Variants in KIF26A observed in about 807,000 individuals in gnomAD.
KIF26A encodes kinesin family member 26A.
Under a neutral mutation model 126.0 loss-of-function variants are expected in KIF26A, and 74 were observed. The ratio of observed to expected loss-of-function variants is 0.59; its 90% CI spans 0.49 to 0.71. KIF26A has a LOEUF of 0.71. KIF26A is among the 30% of genes least tolerant of loss of function. The pLI is 0.00. For missense variants in KIF26A, 2,984 were observed against 2,763.3 expected (o/e 1.08, Z -1.79); for synonymous variants, 1,445 against 1,232.7 (o/e 1.17, Z -3.61).
chr14:104,175,282 G>A lies in KIF26A; in HGVS notation c.2494G>A (p.Asp832Asn), dbSNP rs533644107. The change falls in exon 12 of 15, where the codon GAC (aspartate) becomes AAC (asparagine). Residue 832 changes from aspartate to asparagine, a missense_variant. Coordinates refer to ENST00000423312, the MANE Select transcript of KIF26A (RefSeq NM_015656.2). ...SRHRPSKGPR[D>N]ADHFRCSTFA... ...CCACCGGCCCTCCAAGGGTCCCCGA[G>A]ACGCAGACCACTTCCGCTGCAGCAC... 1 of 1,605,396 alleles carries A rather than the reference G, an allele frequency of 6.2e-7. No homozygotes were observed. Among genetic ancestry groups the A allele is most frequent in the East Asian group, 2.2e-5 (1 of 44,852 alleles).
rs1203418097 is a variant in KIF26A, at chr14:104,175,788, C to T, written c.3000C>T (p.Pro1000=). The change falls in exon 12 of 15, where the codon CCC becomes CCT. Residue 1000 remains proline (P), a synonymous_variant. Transcript: ENST00000423312. Reference sequence around the variant, plus strand: ...CGATGCTTCCTGGGGCCACCTGCCCCCGCCTGGCTGCTGGCAGTCGCTGTC... The same window carrying T: ...CGATGCTTCCTGGGGCCACCTGCCCTCGCCTGGCTGCTGGCAGTCGCTGTC... The part of the protein sequence containing the change: ...GSPMLPGATC[P]RLAAGSRCPE... The T allele has an allele frequency of 6.5e-7, 1 of 1,539,256 alleles. No individual in the cohort carries two copies. The highest frequency in any genetic ancestry group is 1.4e-5 in the African/African-American group (1 of 73,046).
chr14:104,176,866 G>C lies in KIF26A; in HGVS notation c.4078G>C (p.Ala1360Pro), dbSNP rs1231741048. Residue 1360 changes from alanine to proline, a missense_variant, in exon 12 of 15, where the codon GCC (alanine) becomes CCC (proline). Physicochemically the swap from Ala to Pro is conservative, Grantham distance 27. Transcript: ENST00000423312. ...AGFLPRPSGAAPPAPPTRKSS... is the reference protein window; with the variant it reads ...AGFLPRPSGAPPPAPPTRKSS... ...CTTCCTCCCGAGGCCCAGTGGGGCGGCCCCCCCGGCCCCACCCACGCGGAA... is the reference window on the plus strand; with the variant it reads ...CTTCCTCCCGAGGCCCAGTGGGGCGCCCCCCCCGGCCCCACCCACGCGGAA... The C allele has an allele frequency of 2.6e-6, 4 of 1,540,160 alleles. No homozygotes were observed. The highest frequency in any genetic ancestry group is 3.5e-6 in the Non-Finnish European group (4 of 1,143,570).
Position 104,177,459 on chromosome 14 carries a change from G to A in KIF26A, c.4671G>A (p.Lys1557=). The change falls in exon 12 of 15, where the codon AAG becomes AAA. Residue 1557 remains lysine (K), a synonymous_variant. Coordinates refer to ENST00000423312, the MANE Select transcript of KIF26A (RefSeq NM_015656.2). ...KAGRGTVMGT[K]QALRAAHSRV... is the part of the protein sequence containing the mutation. The stretch of plus-strand genomic sequence containing the variant: ...GCCGGGGTACCGTCATGGGCACAAA[G>A]CAGGCGCTCCGGGCTGCTCACAGCC... 1.3e-6 allele frequency: 2 copies of A among 1,529,702 alleles called. No homozygotes were observed. Among genetic ancestry groups the A allele is most frequent in the Non-Finnish European group, 1.7e-6 (2 of 1,143,098 alleles). 94.8% of individuals were successfully genotyped at this position (1,529,702 alleles called of 1,614,324 possible).
intron 2 of KIF26A, among the ~76,000 whole-genome samples, chr14:104,146,425 G>T (rs766768595): frequency 9.2e-5 from 14 of 152,108 alleles, no homozygotes; most frequent in Non-Finnish European, 2.1e-4. Context: ...GTGGGGAGAG[G>T]GTCCTGAGGG....
intron 2 of KIF26A, among the ~76,000 whole-genome samples, chr14:104,149,305 C>T (rs1459919072): frequency 6.6e-6 from 1 of 152,094 alleles, no homozygotes; most frequent in African/African-American, 2.4e-5. Context: ...CCTCGTGGCC[C>T]GTCCTGGGGA....
At chr14:104,150,348 C>T (rs533729140) in intron 2 of KIF26A, among the ~76,000 whole-genome samples, 2 of 151,986 alleles carry the variant, frequency 1.3e-5, no homozygotes, top group South Asian at 4.2e-4. Flanking sequence ...CTCTGCAGGC[C>T]CTGGGTTGGA....
At chr14:104,165,697 C>T (rs7147143) in intron 4 of KIF26A, among the ~76,000 whole-genome samples, 1 of 148,350 alleles carries the variant, frequency 6.7e-6, no homozygotes, top group South Asian at 2.1e-4. Flanking sequence ...GACTGTGTGT[C>T]TCTGTCTCTG....
At chr14:104,159,077 G>C (rs1018774220) in intron 4 of KIF26A, among the ~76,000 whole-genome samples, 9 of 152,190 alleles carry the variant, frequency 5.9e-5, no homozygotes, top group Non-Finnish European at 1.2e-4. Context: ...GTCGCACGCC[G>C]TGTGCCGGGC....
At chr14:104,172,938 G>A (rs764866846) in intron 7 of KIF26A, 39 bp from the exon 8 acceptor site, 22 of 1,537,426 alleles carry the variant, frequency 1.4e-5, no homozygotes, top group Middle Eastern at 2.4e-4. Context: ...GGCTCCTTGC[G>A]TGGTGTGTGG....
rs765943817 is a variant in KIF26A, at chr14:104,152,206, C to G, written c.480C>G (p.Ser160Arg). 1.2e-6 allele frequency: 2 copies of G among 1,602,816 alleles called. No individual in the cohort carries two copies. The highest frequency in any genetic ancestry group is 2.2e-5 in the South Asian group (2 of 89,620). The change falls in exon 3 of 15, where the codon AGC becomes AGG. Residue 160 changes from serine to arginine, a missense_variant. Physicochemically the swap from Ser to Arg is moderately radical, Grantham distance 110. Coordinates refer to ENST00000423312, the MANE Select transcript of KIF26A (RefSeq NM_015656.2). The surrounding 1 kb of genome is among the most constrained non-coding windows in gnomAD (Gnocchi z 5.9). The stretch of plus-strand genomic sequence containing the variant: ...TTGACGCCCCCCATGGAGGCCCCAG[C>G]CTCGCACCCCCCAGCACCACGACCA... The part of the protein sequence containing the change: ...EDLDAPHGGP[S>R]LAPPSTTTSS...
At position 104,173,029 on chromosome 14, in the gene KIF26A, C is replaced by T. The variant is rs267603892; in HGVS notation, c.1473C>T (p.Ile491=). The T allele has an allele frequency of 4.0e-5, 65 of 1,605,782 alleles. No homozygotes were observed. The Middle Eastern group carries it at 5.8e-4, about 14-fold the overall frequency. ...ACAGCTCACCCCAGAGCCTGGGCAT[C>T]GTGCCCTGCGCCATCTCCTGGCTCT... The part of the protein sequence containing the change: ...GKDSSPQSLG[I]VPCAISWLFR... The change falls in exon 8 of 15, where the codon ATC becomes ATT. Residue 491 remains isoleucine, a synonymous_variant. Coordinates refer to ENST00000423312, the MANE Select transcript of KIF26A (RefSeq NM_015656.2).
intron 3 of KIF26A, among the ~76,000 whole-genome samples, chr14:104,153,348 G>C (rs1426023797): frequency 6.6e-6 from 1 of 152,088 alleles, no homozygotes. Flanking sequence ...CACCCCCCGG[G>C]TCCCAGCTGG....
chr14:104,178,463 TC>T, intron 12 of KIF26A, 86 bp from the exon 13 acceptor site: 8 of 1,015,036 alleles, frequency 7.9e-6, no homozygotes, highest in Non-Finnish European at 1.1e-5. Flanking sequence ...CTGTCAGGAC[TC>T]GGGCCGGCTC....
At position 104,165,231 on chromosome 14, in the gene KIF26A, A is replaced by C. The variant is rs568411063; in HGVS notation, c.924-1628A>C. The stretch of plus-strand genomic sequence containing the variant: ...TGTCTCTGCATGTGTTTCTGTGTGC[A>C]TGTGTGTCTCTGTCTCCATATGCAT... On this transcript the variant is annotated intron_variant, in intron 4 of 14. Transcript: ENST00000423312. Among the ~76,000 whole-genome samples, 3 of 139,346 alleles carry C rather than the reference A, an allele frequency of 2.2e-5. No homozygotes were observed. In the East Asian group the frequency reaches 6.5e-4, roughly 30 times the overall value. The allele number at this position is 139,346 out of a possible 152,430, so 91.4% of individuals were successfully genotyped here.
intron 3 of KIF26A, among the ~76,000 whole-genome samples, chr14:104,156,057 C>T (rs563636054): frequency 5.8e-4 from 88 of 152,340 alleles, no homozygotes; most frequent in Admixed American, 2.4e-3. Flanking sequence ...GTGGGTGCCA[C>T]GCTGGCTGTG....
chr14:104,166,806 A>G, intron 4 of KIF26A, 53 bp from the exon 5 acceptor site: 1 of 1,450,768 alleles, frequency 6.9e-7, no homozygotes, highest in Non-Finnish European at 9.2e-7. Context: ...GGCGGGTGAC[A>G]GGAACAGCTG....
chr14:104,178,796 G>C, intron 13 of KIF26A, 41 bp downstream of exon 13: 2 of 1,186,104 alleles, frequency 1.7e-6, no homozygotes, highest in Non-Finnish European at 2.4e-6. Context: ...CCCCTGGTGG[G>C]GAGCCTGCCG....
At chr14:104,172,773 C>T in intron 7 of KIF26A, 105 bp downstream of exon 7, 1 of 1,105,668 alleles carries the variant, frequency 9.0e-7, no homozygotes, top group East Asian at 2.6e-5. Flanking sequence ...GCTGGTCCTA[C>T]ACATGGGCCG....
At chr14:104,142,428 C>CCCTGTGGCCTGGCCT (rs71462611) in intron 2 of KIF26A, among the ~76,000 whole-genome samples, 17,838 of 152,018 alleles carry the variant, frequency 0.12, 1,181 homozygotes, top group Middle Eastern at 0.17. Context: ...TGGAGCGGCC[C>CCCTGTGGCCTGGCCT]CCTGTGGCCT....
Sources: allele counts gnomAD v4.1 joint callset (sites outside exome capture counted in the v4.1 genomes callset), GRCh38; gene constraint gnomAD v4.1.1; non-coding constraint Gnocchi (gnomAD v3.1); transcripts MANE v1.5; gene names NCBI Gene and HGNC (gene_info 2026-07-23, HGNC 2026-07-21).